Variants in MLLT3 observed in about 807,000 individuals in gnomAD.
MLLT3 encodes protein AF-9.
A neutral mutation model predicts 53.2 loss-of-function variants in MLLT3; 4 were observed. That is an observed-to-expected ratio of 0.08 (90% confidence interval 0.04 to 0.17). The LOEUF (loss-of-function observed/expected upper bound fraction) is 0.17. Ranked by LOEUF, MLLT3 falls within the 10% of genes least tolerant of loss-of-function variation. MLLT3 has a pLI of 1.00. For missense variants in MLLT3, 569 were observed against 684.0 expected (o/e 0.83, Z 1.87); for synonymous variants, 283 against 230.6 (o/e 1.23, Z -2.06).
At chr9:20,563,234 T>C (rs1333551496) in intron 2 of MLLT3, among the ~76,000 whole-genome samples, 1 of 152,070 alleles carries the variant, frequency 6.6e-6, no homozygotes, top group Non-Finnish European at 1.5e-5. Flanking sequence ...ATCAGTAACA[T>C]GTCGTGGAGG....
At chr9:20,413,457 TG>T (rs1353301727) in intron 5 of MLLT3, among the ~76,000 whole-genome samples, 1 of 152,234 alleles carries the variant, frequency 6.6e-6, no homozygotes, top group East Asian at 1.9e-4. Context: ...AATTTTCTGC[TG>T]CTATTCAAAT....
intron 2 of MLLT3, among the ~76,000 whole-genome samples, chr9:20,542,570 T>C (rs973002033): frequency 6.6e-6 from 1 of 152,206 alleles, no homozygotes; most frequent in Non-Finnish European, 1.5e-5. Context: ...GTCTTTTTTT[T>C]CTGAGCAGTA....
chr9:20,541,854 A>G (rs1364990717), intron 2 of MLLT3, among the ~76,000 whole-genome samples: 2 of 152,130 alleles, frequency 1.3e-5, no homozygotes, highest in African/African-American at 4.8e-5. Context: ...CTTTTAGTAC[A>G]CCTACCATAT....
intron 5 of MLLT3, among the ~76,000 whole-genome samples, chr9:20,371,377 G>C (rs1821596933): frequency 6.6e-6 from 1 of 152,242 alleles, no homozygotes; most frequent in South Asian, 2.1e-4. Flanking sequence ...TTCATAGCTA[G>C]AGAGAAGTCA....
intron 2 of MLLT3, among the ~76,000 whole-genome samples, chr9:20,492,626 T>C (rs1398415677): frequency 6.6e-6 from 1 of 151,892 alleles, no homozygotes; most frequent in African/African-American, 2.4e-5. Context: ...GTGCTAGATT[T>C]AATAGAAAAA....
chr9:20,425,403 T>C lies in MLLT3; in HGVS notation c.421-10978A>G, dbSNP rs552187338. 3.3e-5 allele frequency among the ~76,000 whole-genome samples: 5 copies of C among 152,302 alleles called. No individual in the cohort carries two copies. The South Asian group carries it at 1.0e-3, about 32-fold the overall frequency. On this transcript the variant is annotated intron_variant, in intron 4 of 10. Transcript: ENST00000380338. The stretch of plus-strand genomic sequence containing the variant: ...GAAGATTAGAACATAGGACTTCTAC[T>C]TTTTGTTAAACACTTCGCTATTTTT...
intron 8 of MLLT3, 123 bp downstream of exon 8, chr9:20,360,619 C>G: frequency 1.3e-6 from 1 of 753,960 alleles, no homozygotes; most frequent in South Asian, 1.6e-5. Context: ...TGGCCTCCCT[C>G]CCATCTATTT....
intron 2 of MLLT3, among the ~76,000 whole-genome samples, chr9:20,519,202 T>A (rs575224781): frequency 1.3e-5 from 2 of 152,286 alleles, no homozygotes; most frequent in Non-Finnish European, 2.9e-5. Context: ...GTAGAAAAAC[T>A]AGACAAATCT....
chr9:20,586,093 G>A (rs1450539591), intron 2 of MLLT3, among the ~76,000 whole-genome samples: 1 of 152,158 alleles, frequency 6.6e-6, no homozygotes, highest in Non-Finnish European at 1.5e-5. Flanking sequence ...CAAGATGGGA[G>A]TATCACTTGC....
chr9:20,588,482 C>T (rs1373423413), intron 2 of MLLT3, among the ~76,000 whole-genome samples: 5 of 152,190 alleles, frequency 3.3e-5, no homozygotes, highest in East Asian at 1.9e-4. Context: ...GAGCATGGAA[C>T]GTTCTTCGAT....
intron 2 of MLLT3, among the ~76,000 whole-genome samples, chr9:20,563,367 G>T (rs951662545): frequency 6.6e-6 from 1 of 151,574 alleles, no homozygotes; most frequent in Non-Finnish European, 1.5e-5. Flanking sequence ...TAATCTTACC[G>T]TCCTAAAGCC....
At position 20,622,451 on chromosome 9, in the gene MLLT3, A is replaced by C. The variant is rs1349457022; in HGVS notation, c.-195T>G. 4.6e-5 allele frequency: 25 copies of C among 539,938 alleles called. No homozygotes were observed. Among genetic ancestry groups the C allele is most frequent in the Non-Finnish European group, 8.2e-5 (25 of 304,306 alleles). The allele number at this position is 539,938 out of a possible 1,614,324, so 33.4% of individuals were successfully genotyped here. A position where few individuals can be genotyped will look rare whatever the true frequency, so the allele number is the denominator to read the frequency against. ...GCTCGCTTATTAAACTCAGCCCCAA[A>C]AGCAAAAGCAGCAGCAGCAGCAGCA... On this transcript the variant is annotated 5_prime_UTR_variant, in exon 1 of 11. Transcript: ENST00000380338.
chr9:20,496,549 C>T lies in MLLT3; in HGVS notation c.194-39763G>A, dbSNP rs577806971. On this transcript the variant is annotated intron_variant, in intron 2 of 10. Transcript: ENST00000380338. ...GTTCATAACACGCACTGTAAAAACA[C>T]ACACACACATTAAAAAAAATAAGCA... 2.1e-4 allele frequency among the ~76,000 whole-genome samples: 32 copies of T among 152,260 alleles called. No homozygotes were observed. The South Asian group carries it at 4.1e-3, about 20-fold the overall frequency.
At chr9:20,572,164 C>T (rs759950043) in intron 2 of MLLT3, among the ~76,000 whole-genome samples, 6 of 152,106 alleles carry the variant, frequency 3.9e-5, no homozygotes, top group African/African-American at 1.4e-4. Flanking sequence ...AAAAGTCAAA[C>T]TCACAGAGGT....
intron 2 of MLLT3, among the ~76,000 whole-genome samples, chr9:20,580,271 T>C (rs565036792): frequency 6.6e-6 from 1 of 152,290 alleles, no homozygotes; most frequent in South Asian, 2.1e-4. Flanking sequence ...TTCTCTCCAT[T>C]TATGGAAATT....
chr9:20,589,713 A>ATTT (rs35077926), intron 2 of MLLT3, among the ~76,000 whole-genome samples: 172 of 139,166 alleles, frequency 1.2e-3, no homozygotes, highest in African/African-American at 4.3e-3. Context: ...TTAATCGGTG[A>ATTT]TTTTTTTTTT....
intron 2 of MLLT3, among the ~76,000 whole-genome samples, chr9:20,514,805 G>A (rs1456991699): frequency 6.6e-6 from 1 of 152,096 alleles, no homozygotes; most frequent in Non-Finnish European, 1.5e-5. Flanking sequence ...ACCTGTCAGG[G>A]ACATGAAAGT....
intron 2 of MLLT3, among the ~76,000 whole-genome samples, chr9:20,566,555 G>C (rs1819382990): frequency 6.6e-6 from 1 of 152,118 alleles, no homozygotes; most frequent in African/African-American, 2.4e-5. Context: ...TCAGTTTACA[G>C]ATCTAGCATA....
In MLLT3 at chr9:20,343,512, A is replaced by C. The variant is rs1302861090; in HGVS notation, c.*2931T>G. The C allele has an allele frequency of 4.4e-6, 1 of 228,462 alleles. No individual in the cohort carries two copies. The highest frequency in any genetic ancestry group is 2.2e-5 in the African/African-American group (1 of 45,016). 14.2% of individuals were successfully genotyped at this position (228,462 alleles called of 1,614,324 possible). Reference sequence around the variant, plus strand: ...TTGCTAACATGACTGTTACATCCGAAGACAGAAGGAACCCCAAACCCACCA... The same window carrying C: ...TTGCTAACATGACTGTTACATCCGACGACAGAAGGAACCCCAAACCCACCA... On this transcript the variant is annotated 3_prime_UTR_variant, in exon 11 of 11. Transcript: ENST00000380338.
Sources: allele counts gnomAD v4.1 joint callset (sites outside exome capture counted in the v4.1 genomes callset), GRCh38; gene constraint gnomAD v4.1.1; transcripts MANE v1.5; gene names NCBI Gene and HGNC (gene_info 2026-07-23, HGNC 2026-07-21).